The following CHFR variants were observed in gnomAD, a reference collection of about 807,000 sequenced individuals.
The protein encoded by CHFR is E3 ubiquitin-protein ligase CHFR.
A neutral mutation model predicts 87.6 loss-of-function variants in CHFR; 57 were observed. That is an observed-to-expected ratio of 0.65 (90% confidence interval 0.53 to 0.81). The LOEUF (loss-of-function observed/expected upper bound fraction) is 0.81, where lower values mean the gene tolerates loss of function less well. Ranked by LOEUF, CHFR falls within the 30% of genes least tolerant of loss-of-function variation. The probability of loss-of-function intolerance (pLI) is 0.00; values close to 1 mark genes in which losing one functional copy is unlikely to be tolerated. For synonymous variants in CHFR, 381 were observed against 359.2 expected, an observed-to-expected ratio of 1.06 and a Z score of -0.69; for missense variants, 797 against 865.8, an observed-to-expected ratio of 0.92 and a Z score of 1.00.
chr12:132,878,953 G>C (rs1176218986), intron 2 of CHFR, among the ~76,000 whole-genome samples: 1 of 150,384 alleles, frequency 6.6e-6, no homozygotes, highest in African/African-American at 2.4e-5. Context: ...GACAGTCACA[G>C]AAAAAGTGAC....
intron 14 of CHFR, chr12:132,847,796 T>TGGGAACAAGAGCTGCC: frequency 8.0e-7 from 1 of 1,253,024 alleles, no homozygotes; most frequent in East Asian, 3.8e-5. Flanking sequence ...CCGAGAGCTG[T>TGGGAACAAGAGCTGCC]GGGAACAAGA....
Position 132,848,093 on chromosome 12 carries a change from T to C in CHFR, c.1639A>G (p.Ile547Val). ...VLNNNSYESDILKNYLATRGL... is the reference protein window; with the variant it reads ...VLNNNSYESDVLKNYLATRGL... ...CCGCAGCGAGTCGGTACCTTCAGGA[T>C]GTCTGACTCGTAGCTGTTGTTGTTC... Residue 547 changes from isoleucine (I) to valine (V), a missense_variant, in exon 14 of 18, where the codon ATC (isoleucine) becomes GTC (valine). Physicochemically the swap from Ile to Val is conservative, Grantham distance 29. This residue lies in a region of CHFR where 200 missense variants were observed against 264.6 expected (regional missense o/e 0.76). Transcript: ENST00000450056. 1 of 1,614,126 alleles carries C rather than the reference T, an allele frequency of 6.2e-7. No homozygotes were observed. The highest frequency in any genetic ancestry group is 2.2e-5 in the East Asian group (1 of 44,880).
chr12:132,885,150 C>T (rs909796361), intron 2 of CHFR, among the ~76,000 whole-genome samples: 2 of 151,704 alleles, frequency 1.3e-5, no homozygotes, highest in Non-Finnish European at 2.9e-5. Flanking sequence ...TAGCTCACGC[C>T]TGTAATCCCA....
rs1950636947 is a variant in CHFR, at chr12:132,835,154, C to G, written c.*6400G>C. 1 of 152,250 alleles carries G rather than the reference C, an allele frequency of 6.6e-6. No homozygotes were observed. Among genetic ancestry groups the G allele is most frequent in the African/African-American group, 2.4e-5 (1 of 41,458 alleles). 9.4% of individuals were successfully genotyped at this position (152,250 alleles called of 1,614,324 possible). ...TTTACGGTGCAAGGCAACATCATCA[C>G]AGGCTCAAGTGATCGGATACGGGTA... On this transcript the variant is annotated 3_prime_UTR_variant, in exon 18 of 18. Transcript: ENST00000450056.
At chr12:132,856,188 G>A (rs1032597706) in intron 10 of CHFR, among the ~76,000 whole-genome samples, 5 of 152,334 alleles carry the variant, frequency 3.3e-5, no homozygotes, top group Admixed American at 2.6e-4. Flanking sequence ...GGTGTCAGCC[G>A]AGGGTGCAAA....
intron 3 of CHFR, among the ~76,000 whole-genome samples, chr12:132,873,712 T>C (rs1430963845): frequency 6.6e-6 from 1 of 151,778 alleles, no homozygotes; most frequent in East Asian, 1.9e-4. Flanking sequence ...TGTGTCCTCC[T>C]GCTCCACAGG....
chr12:132,872,352 C>T lies in CHFR; in HGVS notation c.276G>A (p.Lys92=), dbSNP rs1409273260. The T allele has an allele frequency of 5.6e-6, 9 of 1,613,604 alleles. No homozygotes were observed. The highest frequency in any genetic ancestry group is 1.1e-5 in the South Asian group (1 of 91,068). The change falls in exon 4 of 18, where the codon AAG becomes AAA. Residue 92 remains lysine, a synonymous_variant. Transcript: ENST00000450056. The part of the protein sequence containing the change: ...TVINKLKVVK[K]QTCPLQTGDV... ...CCCCAGTCTGTAAAGGGCATGTCTG[C>T]TTCTTAACAACCTTCAGCTTGTTAA... is the stretch of plus-strand genomic sequence containing the variant.
intron 2 of CHFR, among the ~76,000 whole-genome samples, chr12:132,886,805 T>G (rs1854416643): frequency 6.6e-6 from 1 of 152,234 alleles, no homozygotes; most frequent in Admixed American, 6.5e-5. Context: ...AGGTCCCCGT[T>G]GTAAAGACTT....
intron 5 of CHFR, 72 bp downstream of exon 5, chr12:132,870,652 T>C (rs151331438): frequency 0.012 from 12,900 of 1,080,856 alleles, 126 homozygotes; most frequent in Middle Eastern, 0.03. Context: ...AGAGCGAGAC[T>C]CCATCTCAAA....
At chr12:132,884,103 G>C (rs369298584) in intron 2 of CHFR, among the ~76,000 whole-genome samples, 1 of 151,686 alleles carries the variant, frequency 6.6e-6, no homozygotes, top group African/African-American at 2.4e-5. Context: ...CTGGGTGACA[G>C]AGTAAGACTC....
chr12:132,869,571 A>G (rs1333254545), intron 6 of CHFR, 48 bp downstream of exon 6: 3 of 1,526,146 alleles, frequency 2.0e-6, no homozygotes, highest in Non-Finnish European at 1.8e-6. Flanking sequence ...AGAGTAGTGA[A>G]CAAAAACCAT....
chr12:132,872,546 C>T (rs1951515963), intron 3 of CHFR, 152 bp from the exon 4 acceptor site: 1 of 595,022 alleles, frequency 1.7e-6, no homozygotes, highest in Admixed American at 2.7e-5. Flanking sequence ...CACATCCACG[C>T]ACCCCTCACC....
chr12:132,872,576 C>T (rs1200219948), intron 3 of CHFR, among the ~76,000 whole-genome samples, 182 bp from the exon 4 acceptor site: 4 of 152,260 alleles, frequency 2.6e-5, no homozygotes, highest in East Asian at 1.9e-4. Flanking sequence ...AGAAATGGCT[C>T]GCCCACTTCT....
chr12:132,883,426 CAAAAAAA>C (rs1281973967), intron 2 of CHFR, among the ~76,000 whole-genome samples: 1 of 93,066 alleles, frequency 1.1e-5, no homozygotes, highest in South Asian at 3.4e-4. Context: ...AACTCCGTCT[CAAAAAAA>C]AAAAAAAAAA....
At chr12:132,876,967 A>G (rs1200471824) in intron 3 of CHFR, among the ~76,000 whole-genome samples, 1 of 151,972 alleles carries the variant, frequency 6.6e-6, no homozygotes, top group Non-Finnish European at 1.5e-5. Flanking sequence ...GCTAATTTTT[A>G]TATTTTTAAG....
At chr12:132,866,654 G>A (rs549415294) in intron 6 of CHFR, 14 of 150,070 alleles carry the variant, frequency 9.3e-5, no homozygotes, top group East Asian at 5.8e-4. Flanking sequence ...ACAACACACC[G>A]GAATGTTACA....
In CHFR at chr12:132,856,318, A is replaced by G. The variant is rs1032299090; in HGVS notation, c.1229+150T>C. ...AGGTGCTAATACTATCCAATATCAG[A>G]AAACAAGCTCAAGCCATTTAAGAGC... On this transcript the variant is annotated intron_variant, in intron 10 of 17. Transcript: ENST00000450056. 6.1e-6 allele frequency: 5 copies of G among 822,784 alleles called. No individual in the cohort carries two copies. The African/African-American group carries it at 8.5e-5, about 14-fold the overall frequency. 51.0% of individuals were successfully genotyped at this position (822,784 alleles called of 1,614,324 possible). A position where few individuals can be genotyped will look rare whatever the true frequency, so the allele number is the denominator to read the frequency against.
At chr12:132,869,897 G>C in intron 5 of CHFR, 99 bp from the exon 6 acceptor site, 1 of 1,379,516 alleles carries the variant, frequency 7.2e-7, no homozygotes, top group Non-Finnish European at 1.0e-6. Context: ...TCTAGGGATT[G>C]AAATGCTCTT....
Position 132,837,640 on chromosome 12 carries a change from G to C in CHFR, c.*3914C>G, listed in dbSNP as rs980130702. ...AATAATGGCTGTCTACCAGTTACCA[G>C]CACTAGGCGTTTCTGGAGGTGGCTC... On this transcript the variant is annotated 3_prime_UTR_variant, in exon 18 of 18. Transcript: ENST00000450056. 4 of 152,484 alleles carry C rather than the reference G, an allele frequency of 2.6e-5. No individual in the cohort carries two copies. The highest frequency in any genetic ancestry group is 2.0e-4 in the Admixed American group (3 of 15,308). 9.4% of individuals were successfully genotyped at this position (152,484 alleles called of 1,614,324 possible).
Sources: allele counts gnomAD v4.1 joint callset (sites outside exome capture counted in the v4.1 genomes callset), GRCh38; gene constraint gnomAD v4.1.1; regional missense constraint gnomAD v4.1.1; transcripts MANE v1.5; gene names NCBI Gene and HGNC (gene_info 2026-07-23, HGNC 2026-07-21).